TMEM71: variants seen among roughly 807,000 people sequenced by gnomAD.
TMEM71 encodes the protein transmembrane protein 71.
TMEM71 carries 44 observed loss-of-function variants against 38.0 expected under a neutral mutation model. The ratio of observed to expected loss-of-function variants is 1.16; its 90% CI spans 0.91 to 1.49. The LOEUF is 1.49. TMEM71 is among the 40% of genes most tolerant of loss of function. TMEM71 has a pLI of 0.00. For missense variants in TMEM71, 367 were observed against 348.6 expected (o/e 1.05, Z -0.42); for synonymous variants, 133 against 122.5 (o/e 1.09, Z -0.56).
chr8:132,756,925 C>A (rs186690893), intron 3 of TMEM71, among the ~76,000 whole-genome samples: 1 of 151,702 alleles, frequency 6.6e-6, no homozygotes, highest in Non-Finnish European at 1.5e-5. Context: ...CTCTCTCTGT[C>A]GCCCAGGTTG....
At chr8:132,726,569 A>G (rs1023941866) in intron 6 of TMEM71, among the ~76,000 whole-genome samples, 1 of 152,192 alleles carries the variant, frequency 6.6e-6, no homozygotes, top group African/African-American at 2.4e-5. Flanking sequence ...GAAGTTTGAG[A>G]GGGTTTGGTA....
chr8:132,774,785 G>A, the TMEM71 span, among the ~76,000 whole-genome samples: 1 of 151,822 alleles, frequency 6.6e-6, no homozygotes, highest in African/African-American at 2.4e-5. Context: ...TGATATCAAT[G>A]TAGCCATAGG....
rs192129589 is a variant in TMEM71, at chr8:132,727,199, C to T, written c.676+599G>A. On this transcript the variant is annotated intron_variant, in intron 6 of 9. Transcript: ENST00000677595. ...CACAGCTAAGAATTAAAATAGCAAACATCTGTGTATCTTCCACTTTGCTTT... is the reference window on the plus strand; with the variant it reads ...CACAGCTAAGAATTAAAATAGCAAATATCTGTGTATCTTCCACTTTGCTTT... Among the ~76,000 whole-genome samples, 20 of 151,896 alleles carry T rather than the reference C, an allele frequency of 1.3e-4. No homozygotes were observed. In the East Asian group the frequency reaches 3.5e-3, roughly 26 times the overall value.
intron 5 of TMEM71, among the ~76,000 whole-genome samples, chr8:132,732,609 T>C (rs1385151810): frequency 4.6e-5 from 7 of 152,124 alleles, no homozygotes; most frequent in Non-Finnish European, 7.4e-5. Flanking sequence ...AGTTGCTTTG[T>C]GTGTTAAAAT....
intron 1 of TMEM71, 100 bp from the exon 2 acceptor site, chr8:132,759,015 A>G: frequency 1.4e-6 from 1 of 718,140 alleles, no homozygotes; most frequent in South Asian, 1.6e-5. Context: ...AGATTTGTTT[A>G]CTGAAATAAT....
chr8:132,773,391 C>T, the TMEM71 span, among the ~76,000 whole-genome samples: 1 of 152,134 alleles, frequency 6.6e-6, no homozygotes, highest in Non-Finnish European at 1.5e-5. Flanking sequence ...TATTGGAAGA[C>T]CCATTGTCAA....
At chr8:132,752,828 AAAGGAAGGAAGG>A (rs71299033) in intron 3 of TMEM71, among the ~76,000 whole-genome samples, 11,359 of 118,338 alleles carry the variant, frequency 0.096, 667 homozygotes, top group African/African-American at 0.16. Context: ...GGGAAGGAAG[AAAGGAAGGAAGG>A]AAGGAAGGAA....
intron 5 of TMEM71, among the ~76,000 whole-genome samples, chr8:132,729,526 G>A (rs924013226): frequency 3.9e-5 from 6 of 152,312 alleles, no homozygotes; most frequent in Admixed American, 1.3e-4. Context: ...TGGGATGTAG[G>A]TGTTTTCTAA....
intron 7 of TMEM71, among the ~76,000 whole-genome samples, chr8:132,714,850 C>T (rs1826416965): frequency 6.6e-6 from 1 of 152,052 alleles, no homozygotes; most frequent in Non-Finnish European, 1.5e-5. Context: ...ATAAAGAACT[C>T]TCAAAATTCA....
At chr8:132,738,383 G>A (rs1025474441) in intron 5 of TMEM71, among the ~76,000 whole-genome samples, 2 of 151,992 alleles carry the variant, frequency 1.3e-5, no homozygotes, top group African/African-American at 4.8e-5. Context: ...ATTCTCCCAC[G>A]TTCTCACTAC....
chr8:132,747,205 C>A lies in TMEM71; in HGVS notation c.315-91G>T, dbSNP rs1828440347. On this transcript the variant is annotated intron_variant, in intron 4 of 9. Transcript: ENST00000677595. The stretch of plus-strand genomic sequence containing the variant: ...GAAGCGCAGAGTACATTTCTACAAC[C>A]CAAGTCTGCTCACTGCATTAATTCT... The A allele has an allele frequency of 7.0e-6, 8 of 1,136,876 alleles. No individual in the cohort carries two copies. In the East Asian group the frequency reaches 1.6e-4, roughly 23 times the overall value. 70.4% of individuals were successfully genotyped at this position (1,136,876 alleles called of 1,614,324 possible).
chr8:132,744,885 A>C (rs1037244791), intron 5 of TMEM71, among the ~76,000 whole-genome samples: 2 of 152,188 alleles, frequency 1.3e-5, no homozygotes, highest in Admixed American at 1.3e-4. Context: ...TCACACATAC[A>C]GCCATCTAAT....
rs59776482 is a variant in TMEM71 at position 132,728,013 on chromosome 8, A to AGTGTGTGTGT, written c.488-37_488-28dup. Reference sequence around the variant, plus strand: ...TGAAAAAGCAGAGGGGTTCAGTGTGAGTGTGTGTGTGTGTGTGTGTGTGTG... The same window carrying AGTGTGTGTGT: ...TGAAAAAGCAGAGGGGTTCAGTGTGAGTGTGTGTGTGTGTGTGTGTGTGTGTGTGTGTGTG... On this transcript the variant is annotated intron_variant, in intron 5 of 9. Coordinates refer to ENST00000677595, the MANE Select transcript of TMEM71 (RefSeq NM_001382403.1). 2.0e-4 allele frequency: 220 copies of AGTGTGTGTGT among 1,080,746 alleles called. No individual in the cohort carries two copies. The African/African-American group carries it at 3.2e-3, about 16-fold the overall frequency. 66.9% of individuals were successfully genotyped at this position (1,080,746 alleles called of 1,614,324 possible).
chr8:132,713,549 T>C (rs1435537261), intron 9 of TMEM71, among the ~76,000 whole-genome samples: 1 of 152,128 alleles, frequency 6.6e-6, no homozygotes, highest in Non-Finnish European at 1.5e-5. Context: ...AGTAACCCTT[T>C]GAAATATGCT....
upstream of TMEM71, among the ~76,000 whole-genome samples, chr8:132,765,436 C>T (rs997055659): frequency 6.6e-6 from 1 of 152,130 alleles, no homozygotes; most frequent in Non-Finnish European, 1.5e-5. Context: ...AGAATGCCAG[C>T]TTCTGTTTAG....
chr8:132,763,265 C>A (rs1013952132), upstream of TMEM71, among the ~76,000 whole-genome samples: 2 of 152,180 alleles, frequency 1.3e-5, no homozygotes, highest in African/African-American at 2.4e-5. Context: ...GAAACGTACT[C>A]CTCAGCCAGA....
intron 5 of TMEM71, 64 bp downstream of exon 5, chr8:132,746,878 C>T: frequency 1.4e-6 from 2 of 1,385,048 alleles, no homozygotes; most frequent in Non-Finnish European, 1.9e-6. Context: ...GGTTGAGGAC[C>T]ACAGGGTTAC....
intron 6 of TMEM71, among the ~76,000 whole-genome samples, chr8:132,725,188 C>T (rs576111726): frequency 6.6e-6 from 1 of 152,114 alleles, no homozygotes; most frequent in African/African-American, 2.4e-5. Flanking sequence ...CAGGCATGCA[C>T]CACTATGCCC....
chr8:132,736,972 A>G (rs1827784625), intron 5 of TMEM71, among the ~76,000 whole-genome samples: 1 of 152,232 alleles, frequency 6.6e-6, no homozygotes, highest in African/African-American at 2.4e-5. Context: ...GAAACATCAC[A>G]TTGCCCACTT....
Sources: allele counts gnomAD v4.1 joint callset (sites outside exome capture counted in the v4.1 genomes callset), GRCh38; gene constraint gnomAD v4.1.1; transcripts MANE v1.5; gene names NCBI Gene and HGNC (gene_info 2026-07-23, HGNC 2026-07-21).